Variants in DECR1 observed in about 807,000 individuals in gnomAD.
DECR1 encodes 2,4-dienoyl-CoA reductase [(3E)-enoyl-CoA-producing], mitochondrial.
DECR1 carries 44 observed loss-of-function variants against 38.8 expected under a neutral mutation model. The ratio of observed to expected loss-of-function variants is 1.13; its 90% CI spans 0.89 to 1.46. The LOEUF (loss-of-function observed/expected upper bound fraction) is 1.46. DECR1 is among the 40% of genes most tolerant of loss of function. The pLI is 0.00. For synonymous variants in DECR1, 148 were observed against 135.2 expected, an observed-to-expected ratio of 1.09 and a Z score of -0.66; for missense variants, 428 against 405.5, an observed-to-expected ratio of 1.06 and a Z score of -0.48.
rs769543852 is a variant in DECR1 at position 90,036,951 on chromosome 8, C to A, written c.665+11C>A. On this transcript the variant is annotated intron_variant, in intron 6 of 9. Transcript: ENST00000220764. ...GGAAGCCATGAGCAAGTAAGTACTT[C>A]CTTGTCAATCCTGTTGCTGAACATA... 3 of 1,577,464 alleles carry A rather than the reference C, an allele frequency of 1.9e-6. No homozygotes were observed. Among genetic ancestry groups the A allele is most frequent in the Non-Finnish European group, 2.6e-6 (3 of 1,148,006 alleles).
At chr8:90,048,113 C>A (rs1431637945) in intron 8 of DECR1, among the ~76,000 whole-genome samples, 1 of 152,040 alleles carries the variant, frequency 6.6e-6, no homozygotes, top group Non-Finnish European at 1.5e-5. Flanking sequence ...CCTAACATCA[C>A]AATTAAAAGA....
chr8:90,014,347 T>A (rs1439441319), intron 1 of DECR1, among the ~76,000 whole-genome samples: 1 of 152,162 alleles, frequency 6.6e-6, no homozygotes, highest in Non-Finnish European at 1.5e-5. Flanking sequence ...TCTCAATGGG[T>A]CTTAAGGTTG....
intron 6 of DECR1, among the ~76,000 whole-genome samples, chr8:90,040,314 AGC>A (rs1464949433): frequency 6.6e-6 from 1 of 152,190 alleles, no homozygotes; most frequent in Non-Finnish European, 1.5e-5. Flanking sequence ...AAAGAGATAC[AGC>A]CCACCCATTT....
chr8:90,001,612 A>G lies in DECR1; in HGVS notation c.69+51A>G, dbSNP rs189024822. On this transcript the variant is annotated intron_variant, in intron 1 of 9. Transcript: ENST00000220764. The stretch of plus-strand genomic sequence containing the variant: ...CGAGGACAGGGCGTCTCGACGCGCA[A>G]AGAGAGAGGACAGGGCGTCACGGGG... 188 of 1,531,444 alleles carry G rather than the reference A, an allele frequency of 1.2e-4. No homozygotes were observed. In the African/African-American group the frequency reaches 2.0e-3, roughly 17 times the overall value. 94.9% of individuals were successfully genotyped at this position (1,531,444 alleles called of 1,614,324 possible).
At chr8:90,030,838 T>C (rs1403262308) in intron 5 of DECR1, among the ~76,000 whole-genome samples, 1 of 152,314 alleles carries the variant, frequency 6.6e-6, no homozygotes, top group African/African-American at 2.4e-5. Flanking sequence ...TAGTTATCAG[T>C]TGAAATTTAT....
chr8:90,017,297 C>T lies in DECR1; in HGVS notation c.243C>T (p.Ser81=). Residue 81 remains serine, a synonymous_variant, in exon 2 of 10, where the codon AGC becomes AGT. Coordinates refer to ENST00000220764, the MANE Select transcript of DECR1 (RefSeq NM_001359.2). ...LGKGMTTLLS[S]LGAQCVIASR... is the part of the protein sequence containing the mutation. Reference sequence around the variant, plus strand: ...AAGGAATGACAACTCTTCTGTCCAGCCTAGGTGCTCAGTGCGTGATAGCCA... The same window carrying T: ...AAGGAATGACAACTCTTCTGTCCAGTCTAGGTGCTCAGTGCGTGATAGCCA... The T allele has an allele frequency of 1.9e-6, 3 of 1,614,142 alleles. No homozygotes were observed. In the South Asian group the frequency reaches 3.3e-5, roughly 18 times the overall value.
At chr8:90,005,032 C>T (rs1812706584) in intron 1 of DECR1, among the ~76,000 whole-genome samples, 2 of 152,066 alleles carry the variant, frequency 1.3e-5, no homozygotes, top group African/African-American at 2.4e-5. Context: ...GAGGAGGTGG[C>T]CCCAGGAGCC....
chr8:90,051,688 T>C lies in DECR1; in HGVS notation c.897T>C (p.Phe299=). Residue 299 remains phenylalanine (F), a synonymous_variant, in exon 9 of 10, where the codon TTT becomes TTC. Coordinates refer to ENST00000220764, the MANE Select transcript of DECR1 (RefSeq NM_001359.2). The stretch of plus-strand genomic sequence containing the variant: ...TTTGTTTTTTCCAGGTCATTAAATT[T>C]GACGGTGGAGAGGAAGTACTTATTT... ...ASWINGAVIK[F]DGGEEVLISG... The C allele has an allele frequency of 1.2e-6, 2 of 1,612,052 alleles. No homozygotes were observed. The highest frequency in any genetic ancestry group is 2.2e-5 in the South Asian group (2 of 90,932).
At chr8:90,009,631 C>G (rs1812834852) in intron 1 of DECR1, among the ~76,000 whole-genome samples, 1 of 152,070 alleles carries the variant, frequency 6.6e-6, no homozygotes, top group Non-Finnish European at 1.5e-5. Flanking sequence ...ATGTTTATCC[C>G]TAATACTTTT....
chr8:90,011,621 TA>T (rs1373949150), intron 1 of DECR1, among the ~76,000 whole-genome samples: 1 of 152,228 alleles, frequency 6.6e-6, no homozygotes, highest in Non-Finnish European at 1.5e-5. Context: ...TTTAATTTCT[TA>T]ATGATGTTTC....
At chr8:90,026,954 T>C (rs905092336) in intron 5 of DECR1, among the ~76,000 whole-genome samples, 6 of 152,234 alleles carry the variant, frequency 3.9e-5, no homozygotes. Context: ...AGAACATCTT[T>C]ATTTCTGCTT....
chr8:90,036,755 C>A, intron 5 of DECR1, 86 bp from the exon 6 acceptor site: 2 of 861,776 alleles, frequency 2.3e-6, no homozygotes, highest in Non-Finnish European at 1.8e-6. Context: ...CCTCTTTAAT[C>A]AGATCCCATT....
chr8:90,017,192 T>G lies in DECR1; in HGVS notation c.138T>G (p.Pro46=). The part of the protein sequence containing the change: ...TEALQSKFFS[P]LQKAMLPPNS... ...CTTTGCAATCTAAATTCTTTTCACCTCTTCAAAAAGCGATGCTACCACCTA... is the reference window on the plus strand; with the variant it reads ...CTTTGCAATCTAAATTCTTTTCACCGCTTCAAAAAGCGATGCTACCACCTA... Residue 46 remains proline, a synonymous_variant, in exon 2 of 10, where the codon CCT becomes CCG. Coordinates refer to ENST00000220764, the MANE Select transcript of DECR1 (RefSeq NM_001359.2). 1 of 1,614,134 alleles carries G rather than the reference T, an allele frequency of 6.2e-7. No individual in the cohort carries two copies. Among genetic ancestry groups the G allele is most frequent in the Non-Finnish European group, 8.5e-7 (1 of 1,179,972 alleles).
chr8:90,037,269 G>T (rs1813638997), intron 6 of DECR1, among the ~76,000 whole-genome samples: 1 of 152,066 alleles, frequency 6.6e-6, no homozygotes, highest in Non-Finnish European at 1.5e-5. Context: ...CTACATATTA[G>T]ACACCACAGG....
At chr8:90,006,065 G>A (rs1812731236) in intron 1 of DECR1, 2 of 627,898 alleles carry the variant, frequency 3.2e-6, no homozygotes, top group Non-Finnish European at 5.7e-6. Flanking sequence ...CATTCATGAT[G>A]GATCTGCCAC....
chr8:90,029,671 A>G (rs977568963), intron 5 of DECR1, among the ~76,000 whole-genome samples: 2 of 152,168 alleles, frequency 1.3e-5, no homozygotes, highest in Non-Finnish European at 2.9e-5. Flanking sequence ...TTTTTTAACC[A>G]TCTTGCTGTT....
intron 7 of DECR1, among the ~76,000 whole-genome samples, chr8:90,044,048 A>G (rs764576889): frequency 6.6e-6 from 1 of 152,188 alleles, no homozygotes; most frequent in Non-Finnish European, 1.5e-5. Context: ...GTTGTACCCA[A>G]ATAATAACTA....
At chr8:90,004,487 G>T (rs1207706228) in intron 1 of DECR1, among the ~76,000 whole-genome samples, 1 of 152,108 alleles carries the variant, frequency 6.6e-6, no homozygotes, top group African/African-American at 2.4e-5. Context: ...ATTAACTTGG[G>T]TTAGCATTTG....
At chr8:90,038,068 A>C (rs76269650) in intron 6 of DECR1, among the ~76,000 whole-genome samples, 1 of 152,210 alleles carries the variant, frequency 6.6e-6, no homozygotes, top group Non-Finnish European at 1.5e-5. Context: ...TATTCAATAA[A>C]TATTTATTGT....
Sources: allele counts gnomAD v4.1 joint callset (sites outside exome capture counted in the v4.1 genomes callset), GRCh38; gene constraint gnomAD v4.1.1; transcripts MANE v1.5; gene names NCBI Gene and HGNC (gene_info 2026-07-23, HGNC 2026-07-21).